Variants in CDC37L1 observed in about 807,000 individuals in gnomAD.
CDC37L1 encodes the protein cell division cycle 37 like 1, HSP90 cochaperone.
A neutral mutation model predicts 45.9 loss-of-function variants in CDC37L1; 32 were observed. The observed-to-expected ratio is 0.70, with a 90% CI of 0.53 to 0.94. The LOEUF (loss-of-function observed/expected upper bound fraction) is 0.94, where lower values mean the gene tolerates loss of function less well. CDC37L1 is among the 40% of genes least tolerant of loss of function. The pLI is 0.00. For missense variants in CDC37L1, 434 were observed against 405.7 expected, an observed-to-expected ratio of 1.07 and a Z score of -0.60; for synonymous variants, 150 against 133.0, an observed-to-expected ratio of 1.13 and a Z score of -0.88.
At chr9:4,680,207 G>A (rs1841177383) in intron 1 of CDC37L1, among the ~76,000 whole-genome samples, 1 of 152,148 alleles carries the variant, frequency 6.6e-6, no homozygotes, top group South Asian at 2.1e-4. Context: ...TCAGATTTGG[G>A]GCGGCTCATG....
chr9:4,705,334 G>T (rs1330505991), intron 6 of CDC37L1, among the ~76,000 whole-genome samples: 1 of 152,066 alleles, frequency 6.6e-6, no homozygotes, highest in Non-Finnish European at 1.5e-5. Context: ...TATTCATGGT[G>T]CTTTAATAAT....
intron 1 of CDC37L1, 63 bp from the exon 2 acceptor site, chr9:4,684,814 T>C: frequency 1.6e-6 from 2 of 1,213,724 alleles, no homozygotes; most frequent in South Asian, 2.9e-5. Context: ...TAAGAAAAAT[T>C]GAACTGTGCT....
chr9:4,681,590 C>G (rs1841194315), intron 1 of CDC37L1, among the ~76,000 whole-genome samples: 1 of 150,718 alleles, frequency 6.6e-6, no homozygotes, highest in Non-Finnish European at 1.5e-5. Context: ...GAGCCGAGAT[C>G]ACACCATTGC....
At chr9:4,696,392 C>G (rs1425865867) in intron 3 of CDC37L1, among the ~76,000 whole-genome samples, 1 of 152,020 alleles carries the variant, frequency 6.6e-6, no homozygotes, top group African/African-American at 2.4e-5. Context: ...GCCCATAATC[C>G]CAGCACTTTG....
chr9:4,684,011 C>T (rs544038051), intron 1 of CDC37L1, among the ~76,000 whole-genome samples: 2 of 152,260 alleles, frequency 1.3e-5, no homozygotes, highest in East Asian at 1.9e-4. Flanking sequence ...TGTGGCCAGG[C>T]GCAGTGGCTC....
chr9:4,679,581 G>T lies in CDC37L1; in HGVS notation c.-187G>T. ...GCGCCGACTATTTCTTCCGCCGTCC[G>T]CCGGTGGCGAGGCCCAGGCTGTCGC... is the stretch of plus-strand genomic sequence containing the variant. On this transcript the variant is annotated 5_prime_UTR_variant, in exon 1 of 7. Coordinates refer to ENST00000381854, the MANE Select transcript of CDC37L1 (RefSeq NM_017913.4). 1.9e-6 allele frequency: 1 copy of T among 518,374 alleles called. No individual in the cohort carries two copies. The highest frequency in any genetic ancestry group is 3.4e-6 in the Non-Finnish European group (1 of 290,726). 32.1% of individuals were successfully genotyped at this position (518,374 alleles called of 1,614,324 possible).
At chr9:4,702,158 T>C (rs1841405123) in intron 6 of CDC37L1, 130 bp downstream of exon 6, 5 of 460,276 alleles carry the variant, frequency 1.1e-5, no homozygotes, top group Non-Finnish European at 1.9e-5. Context: ...AAGATAACTG[T>C]TGAATCTTAC....
intron 3 of CDC37L1, among the ~76,000 whole-genome samples, chr9:4,695,378 A>G (rs1235795472): frequency 1.3e-5 from 2 of 152,230 alleles, no homozygotes; most frequent in Non-Finnish European, 2.9e-5. Context: ...AGTAACTTCC[A>G]TAATCATTCT....
At chr9:4,695,634 A>G (rs10974737) in intron 3 of CDC37L1, among the ~76,000 whole-genome samples, 5 of 151,790 alleles carry the variant, frequency 3.3e-5, no homozygotes, top group Non-Finnish European at 7.4e-5. Context: ...AGCTGGGACT[A>G]CAGGTGCACA....
intron 4 of CDC37L1, 31 bp from the exon 5 acceptor site, chr9:4,697,726 T>G: frequency 2.8e-6 from 3 of 1,074,998 alleles, no homozygotes; most frequent in Non-Finnish European, 4.1e-6. Context: ...ATTTATATAT[T>G]TGTTTCTTAT....
Position 4,703,891 on chromosome 9 carries a change from G to C in CDC37L1, c.912+1863G>C, listed in dbSNP as rs180725895. On this transcript the variant is annotated intron_variant, in intron 6 of 6. Coordinates refer to ENST00000381854, the MANE Select transcript of CDC37L1 (RefSeq NM_017913.4). ...TTGCTGATATTATCAGGGTTATTCA[G>C]ATTTAATTAAGCTGGGCTAATCTCC... is the stretch of plus-strand genomic sequence containing the variant. Among the ~76,000 whole-genome samples, 391 of 152,278 alleles carry C rather than the reference G, an allele frequency of 2.6e-3. 1 individual carries two copies. Among genetic ancestry groups the C allele is most frequent in the Non-Finnish European group, 4.5e-3 (309 of 68,024 alleles).
In CDC37L1 at chr9:4,706,200, A is replaced by C; in HGVS notation, c.*88A>C. 1 of 613,872 alleles carries C rather than the reference A, an allele frequency of 1.6e-6. No individual in the cohort carries two copies. The highest frequency in any genetic ancestry group is 3.0e-6 in the Non-Finnish European group (1 of 334,728). 38.0% of individuals were successfully genotyped at this position (613,872 alleles called of 1,614,324 possible). A position where few individuals can be genotyped will look rare whatever the true frequency, so the allele number is the denominator to read the frequency against. Reference sequence around the variant, plus strand: ...TTCTTGACACTTTTATGGGTGCTGCACTTTATTTTTGTTCGGTTTTTGATG... The same window carrying C: ...TTCTTGACACTTTTATGGGTGCTGCCCTTTATTTTTGTTCGGTTTTTGATG... On this transcript the variant is annotated 3_prime_UTR_variant, in exon 7 of 7. Transcript: ENST00000381854.
At chr9:4,702,148 A>C in intron 6 of CDC37L1, 120 bp downstream of exon 6, 1 of 478,720 alleles carries the variant, frequency 2.1e-6, no homozygotes, top group South Asian at 4.9e-5. Context: ...CCTGCCTCAG[A>C]AGATAACTGT....
intron 3 of CDC37L1, among the ~76,000 whole-genome samples, chr9:4,690,793 A>T (rs1030979874): frequency 7.9e-5 from 12 of 152,152 alleles, no homozygotes; most frequent in African/African-American, 2.9e-4. Context: ...TTCAAAGGAG[A>T]TATATTACTT....
At chr9:4,703,064 C>A (rs1841414663) in intron 6 of CDC37L1, 2 of 1,541,076 alleles carry the variant, frequency 1.3e-6, no homozygotes, top group Non-Finnish European at 1.8e-6. Flanking sequence ...TTTAATAGAG[C>A]CCAGTCATCT....
In CDC37L1 at chr9:4,699,974, A is replaced by G. The variant is rs558222208; in HGVS notation, c.748-1890A>G. ...TGTACTACAATGAACATTTCCTATT[A>G]TAAACATAAAATTATATTTTTATAT... is the stretch of plus-strand genomic sequence containing the variant. On this transcript the variant is annotated intron_variant, in intron 5 of 6. Transcript: ENST00000381854. Among the ~76,000 whole-genome samples the G allele has an allele frequency of 3.3e-5, 5 of 152,242 alleles. No homozygotes were observed. In the South Asian group the frequency reaches 1.0e-3, roughly 32 times the overall value.
intron 3 of CDC37L1, among the ~76,000 whole-genome samples, chr9:4,690,605 CTT>C (rs1488218712): frequency 2.0e-5 from 3 of 152,192 alleles, no homozygotes; most frequent in Admixed American, 1.3e-4. Flanking sequence ...AAAAAACTGA[CTT>C]AACATCCACA....
At chr9:4,682,014 G>A (rs1347790911) in intron 1 of CDC37L1, among the ~76,000 whole-genome samples, 1 of 152,058 alleles carries the variant, frequency 6.6e-6, no homozygotes, top group Non-Finnish European at 1.5e-5. Context: ...TGTTGTCTGG[G>A]TAGTTTGTGG....
intron 3 of CDC37L1, among the ~76,000 whole-genome samples, chr9:4,692,662 C>A (rs1841312590): frequency 6.6e-6 from 1 of 152,072 alleles, no homozygotes; most frequent in Admixed American, 6.6e-5. Flanking sequence ...AGAATTACAG[C>A]TAACTTTTAT....
Sources: allele counts gnomAD v4.1 joint callset (sites outside exome capture counted in the v4.1 genomes callset), GRCh38; gene constraint gnomAD v4.1.1; transcripts MANE v1.5; gene names NCBI Gene and HGNC (gene_info 2026-07-23, HGNC 2026-07-21).